DNER: variants seen among roughly 807,000 people sequenced by gnomAD.
DNER encodes delta/notch like EGF repeat containing, also known as delta and Notch-like epidermal growth factor-related receptor.
A neutral mutation model predicts 78.2 loss-of-function variants in DNER; 33 were observed. The observed-to-expected ratio is 0.42, with a 90% CI of 0.32 to 0.56. The LOEUF is 0.56. DNER is among the 20% of genes least tolerant of loss of function. DNER has a pLI of 0.11. For missense variants in DNER, 918 were observed against 975.3 expected (o/e 0.94, Z 0.78); for synonymous variants, 417 against 384.8 (o/e 1.08, Z -0.98).
intron 11 of DNER, among the ~76,000 whole-genome samples, chr2:229,386,789 T>C (rs149312715): frequency 0.014 from 2,112 of 151,968 alleles, 43 homozygotes; most frequent in African/African-American, 0.048. Flanking sequence ...CCATCTCACG[T>C]CAGTTAGAAT....
chr2:229,532,836 C>A (rs570271524), intron 5 of DNER, among the ~76,000 whole-genome samples: 12 of 152,214 alleles, frequency 7.9e-5, no homozygotes, highest in Non-Finnish European at 1.5e-4. Context: ...CAGTTCACTT[C>A]TAACCTGGCC....
At chr2:229,364,466 T>G (rs918448925) in intron 12 of DNER, among the ~76,000 whole-genome samples, 11 of 152,170 alleles carry the variant, frequency 7.2e-5, no homozygotes, top group African/African-American at 2.7e-4. Flanking sequence ...TTGCAAGGGT[T>G]GGTATCAGGG....
At chr2:229,572,081 A>T (rs983580969) in intron 4 of DNER, among the ~76,000 whole-genome samples, 15 of 151,998 alleles carry the variant, frequency 9.9e-5, no homozygotes, top group African/African-American at 3.6e-4. Flanking sequence ...AATTTTCCAT[A>T]ACTTTCCACT....
chr2:229,443,991 C>A (rs1694287672), intron 8 of DNER, among the ~76,000 whole-genome samples: 1 of 152,134 alleles, frequency 6.6e-6, no homozygotes, highest in Admixed American at 6.5e-5. Context: ...ACAAGAGGGC[C>A]CTGTCACGAT....
intron 4 of DNER, among the ~76,000 whole-genome samples, chr2:229,556,616 G>C (rs1242126721): frequency 6.6e-6 from 1 of 152,166 alleles, no homozygotes; most frequent in East Asian, 1.9e-4. Flanking sequence ...TTGAAATCTA[G>C]GTGATGAGAT....
intron 10 of DNER, among the ~76,000 whole-genome samples, chr2:229,390,362 C>T (rs1296709040): frequency 6.6e-6 from 1 of 152,246 alleles, no homozygotes; most frequent in African/African-American, 2.4e-5. Context: ...AAACTCTATG[C>T]AGTCCCAGGG....
At chr2:229,676,397 A>G (rs13022072) in intron 1 of DNER, among the ~76,000 whole-genome samples, 31,598 of 152,132 alleles carry the variant, frequency 0.21, 3,526 homozygotes, top group East Asian at 0.36. Flanking sequence ...TGAAGATTCA[A>G]CGTTTCTGAA....
chr2:229,396,447 A>C (rs575883639), intron 10 of DNER, among the ~76,000 whole-genome samples: 34 of 152,354 alleles, frequency 2.2e-4, no homozygotes, highest in South Asian at 6.2e-4. Context: ...AAGTGAAGGA[A>C]AAAAATGATA....
At chr2:229,456,492 T>C (rs981936334) in intron 7 of DNER, among the ~76,000 whole-genome samples, 1 of 151,810 alleles carries the variant, frequency 6.6e-6, no homozygotes, top group Non-Finnish European at 1.5e-5. Flanking sequence ...TTCCTGACCA[T>C]GTGTATCAGA....
chr2:229,364,844 C>CTTT lies in DNER; in HGVS notation c.2102+2026_2102+2028dup, dbSNP rs34346714. Among the ~76,000 whole-genome samples, 476 of 75,476 alleles carry CTTT rather than the reference C, an allele frequency of 6.3e-3. 27 individuals carry two copies. The highest frequency in any genetic ancestry group is 0.02 in the African/African-American group (351 of 17,956). 49.5% of individuals were successfully genotyped at this position (75,476 alleles called of 152,430 possible). On this transcript the variant is annotated intron_variant, in intron 12 of 12. Coordinates refer to ENST00000341772, the MANE Select transcript of DNER (RefSeq NM_139072.4). ...TGGGTTTTCTCATGTCTCTCTCTCT[C>CTTT]TTTTTTTTTTTTTTTTTTTTTTTTT...
chr2:229,702,714 G>A (rs992017174), intron 1 of DNER, among the ~76,000 whole-genome samples: 1 of 151,468 alleles, frequency 6.6e-6, no homozygotes, highest in Non-Finnish European at 1.5e-5. Context: ...TCAGGAGATC[G>A]AGACCACCCT....
At chr2:229,422,799 A>G (rs1693794940) in intron 8 of DNER, among the ~76,000 whole-genome samples, 1 of 152,162 alleles carries the variant, frequency 6.6e-6, no homozygotes, top group Non-Finnish European at 1.5e-5. Flanking sequence ...AAGGGAAAAA[A>G]GAAGGGGTCA....
intron 1 of DNER, among the ~76,000 whole-genome samples, chr2:229,682,862 G>A (rs1699408609): frequency 6.6e-6 from 1 of 151,994 alleles, no homozygotes; most frequent in African/African-American, 2.4e-5. Flanking sequence ...AGAAAAAAAA[G>A]AAAAGATAAA....
At chr2:229,696,705 C>T (rs922799224) in intron 1 of DNER, among the ~76,000 whole-genome samples, 5 of 152,174 alleles carry the variant, frequency 3.3e-5, no homozygotes, top group Admixed American at 2.0e-4. Flanking sequence ...GAGGGAGGTA[C>T]AGGAGGCTGG....
At chr2:229,475,333 G>T (rs1695009792) in intron 7 of DNER, among the ~76,000 whole-genome samples, 1 of 152,142 alleles carries the variant, frequency 6.6e-6, no homozygotes, top group East Asian at 1.9e-4. Flanking sequence ...TGCAAGCCTT[G>T]CCCTGCCTGC....
At chr2:229,511,315 G>C (rs1015010564) in intron 6 of DNER, among the ~76,000 whole-genome samples, 1 of 152,190 alleles carries the variant, frequency 6.6e-6, no homozygotes, top group Non-Finnish European at 1.5e-5. Context: ...CTTGGTGTTT[G>C]CTTTTAAGAT....
rs199643608 is a variant in DNER at position 229,512,826 on chromosome 2, A to C, written c.1104T>G (p.Asn368Lys). 6.2e-7 allele frequency: 1 copy of C among 1,614,152 alleles called. No individual in the cohort carries two copies. Residue 368 changes from asparagine to lysine, a missense_variant, in exon 6 of 13, where the codon AAT (asparagine) becomes AAG (lysine). Coordinates refer to ENST00000341772, the MANE Select transcript of DNER (RefSeq NM_139072.4). ...CQNNASCIDA[N>K]EKQDGSNFTC... ...TGAAATTGCTCCCATCTTGCTTTTC[A>C]TTTGCATCAATACAGCTCGCGTTGT... is the stretch of plus-strand genomic sequence containing the variant.
At position 229,530,747 on chromosome 2, in the gene DNER, G is replaced by A. The variant is rs115130930; in HGVS notation, c.993+16200C>T. 3.2e-3 allele frequency among the ~76,000 whole-genome samples: 487 copies of A among 152,286 alleles called. 5 individuals carry two copies. Among genetic ancestry groups the A allele is most frequent in the African/African-American group, 0.011 (457 of 41,548 alleles). On this transcript the variant is annotated intron_variant, in intron 5 of 12. Coordinates refer to ENST00000341772, the MANE Select transcript of DNER (RefSeq NM_139072.4). ...ATTAAACTAGAAACTCTCCTCTGCC[G>A]TGAACTTGGAAAGAACTAATGCCTG...
intron 4 of DNER, among the ~76,000 whole-genome samples, chr2:229,583,459 T>C (rs1252771752): frequency 6.6e-6 from 1 of 152,232 alleles, no homozygotes; most frequent in Non-Finnish European, 1.5e-5. Context: ...AGAATAGCTG[T>C]ACGGGTGCTT....
Sources: allele counts gnomAD v4.1 joint callset (sites outside exome capture counted in the v4.1 genomes callset), GRCh38; gene constraint gnomAD v4.1.1; transcripts MANE v1.5; gene names NCBI Gene and HGNC (gene_info 2026-07-23, HGNC 2026-07-21).